Variants in AKAP19 observed in about 807,000 individuals in gnomAD.
The protein encoded by AKAP19 is A-kinase anchoring protein 19, also known as small A-kinase anchoring protein.
the AKAP19 span, among the ~76,000 whole-genome samples, chr2:190,149,784 A>G: frequency 0.56 from 85,733 of 151,994 alleles, 24,769 homozygotes; most frequent in Middle Eastern, 0.65. Flanking sequence ...AATAGAATGT[A>G]TATTCTGCAG....
chr2:190,187,207 T>C, the AKAP19 span, among the ~76,000 whole-genome samples: 46 of 152,202 alleles, frequency 3.0e-4, no homozygotes, highest in Admixed American at 8.5e-4. Context: ...GGTTTTTTTA[T>C]ATATTTACAT....
At chr2:190,200,481 G>T in the AKAP19 span, 2 of 208,706 alleles carry the variant, frequency 9.6e-6, no homozygotes, top group East Asian at 1.3e-4. Context: ...AAATTCCAAT[G>T]GTTGAAGTTT....
the AKAP19 span, among the ~76,000 whole-genome samples, chr2:190,154,852 G>T: frequency 6.6e-6 from 1 of 152,208 alleles, no homozygotes. Context: ...CCTACTGCAG[G>T]CTGTGAGGTG....
At chr2:190,153,028 T>C in the AKAP19 span, among the ~76,000 whole-genome samples, 21,997 of 152,114 alleles carry the variant, frequency 0.14, 1,987 homozygotes, top group Middle Eastern at 0.26. Flanking sequence ...CCTGAGTAGC[T>C]GGGACTACAG....
the AKAP19 span, chr2:190,056,657 C>T: frequency 6.6e-6 from 1 of 152,466 alleles, no homozygotes; most frequent in African/African-American, 2.4e-5. Flanking sequence ...ATGTGATAAA[C>T]CTGGTAGCCT....
chr2:190,127,133 G>A, the AKAP19 span, among the ~76,000 whole-genome samples: 1 of 150,334 alleles, frequency 6.7e-6, no homozygotes, highest in Non-Finnish European at 1.5e-5. Flanking sequence ...TTATACTTTT[G>A]TATACCAGGG....
chr2:189,931,667 A>C, the AKAP19 span, among the ~76,000 whole-genome samples: 1 of 152,018 alleles, frequency 6.6e-6, no homozygotes, highest in Non-Finnish European at 1.5e-5. Flanking sequence ...CTCCTGCCTC[A>C]GCCCCAAATG....
the AKAP19 span, among the ~76,000 whole-genome samples, chr2:189,923,141 A>T: frequency 4.6e-5 from 7 of 152,080 alleles, no homozygotes; most frequent in East Asian, 5.8e-4. Context: ...ACAGAGTGAG[A>T]CTCCATCTCT....
At chr2:190,199,579 T>C in the AKAP19 span, 3 of 446,708 alleles carry the variant, frequency 6.7e-6, no homozygotes, top group African/African-American at 3.9e-5. Context: ...AAGCTGTTTG[T>C]TTTTACCTCA....
At chr2:190,022,030 C>A in the AKAP19 span, among the ~76,000 whole-genome samples, 1 of 152,032 alleles carries the variant, frequency 6.6e-6, no homozygotes, top group Admixed American at 6.6e-5. Context: ...TAACTCAGGT[C>A]TCTCTTCTCC....
the AKAP19 span, among the ~76,000 whole-genome samples, chr2:190,123,489 G>T: frequency 6.6e-6 from 1 of 152,158 alleles, no homozygotes. Flanking sequence ...ATTATCAAAA[G>T]ATAATATTAT....
the AKAP19 span, among the ~76,000 whole-genome samples, chr2:189,981,373 C>A: frequency 1.3e-5 from 2 of 150,790 alleles, no homozygotes; most frequent in Non-Finnish European, 2.9e-5. Flanking sequence ...TTTCTCCATC[C>A]TTTACTTTGA....
At chr2:190,010,234 G>A in the AKAP19 span, among the ~76,000 whole-genome samples, 2 of 152,188 alleles carry the variant, frequency 1.3e-5, no homozygotes, top group Non-Finnish European at 2.9e-5. Context: ...ATCAGAGCAC[G>A]AATAGTTTAT....
the AKAP19 span, among the ~76,000 whole-genome samples, chr2:190,171,609 T>C: frequency 6.6e-6 from 1 of 152,182 alleles, no homozygotes; most frequent in East Asian, 1.9e-4. Context: ...TCAACTCTAC[T>C]CAATAAATAT....
chr2:189,935,586 A>G, the AKAP19 span, among the ~76,000 whole-genome samples: 1 of 152,078 alleles, frequency 6.6e-6, no homozygotes, highest in Non-Finnish European at 1.5e-5. Context: ...ATAGGAGATG[A>G]TTACAAACTT....
chr2:190,162,557 A>G, the AKAP19 span, among the ~76,000 whole-genome samples: 1 of 152,196 alleles, frequency 6.6e-6, no homozygotes, highest in African/African-American at 2.4e-5. Context: ...CTGCTACTAC[A>G]TTTATGACTA....
chr2:190,193,061 A>C, the AKAP19 span, among the ~76,000 whole-genome samples: 1 of 152,124 alleles, frequency 6.6e-6, no homozygotes, highest in Non-Finnish European at 1.5e-5. Context: ...CATGAGAATG[A>C]CTATTGCTGC....
the AKAP19 span, among the ~76,000 whole-genome samples, chr2:189,911,664 G>T: frequency 6.6e-6 from 1 of 151,956 alleles, no homozygotes. Context: ...AAAGCTTTTG[G>T]TTATTAGAAA....
the AKAP19 span, among the ~76,000 whole-genome samples, chr2:190,071,828 A>G: frequency 6.6e-6 from 1 of 152,164 alleles, no homozygotes; most frequent in Non-Finnish European, 1.5e-5. Context: ...GAAAAAAGTC[A>G]GAAAAGATAT....
Sources: allele counts gnomAD v4.1 joint callset (sites outside exome capture counted in the v4.1 genomes callset), GRCh38; gene constraint gnomAD v4.1.1; transcripts MANE v1.5; gene names NCBI Gene and HGNC (gene_info 2026-07-23, HGNC 2026-07-21).